The following ANGPT1 variants were observed in gnomAD, a reference collection of about 807,000 sequenced individuals.
ANGPT1 encodes the protein angiopoietin-1.
A neutral mutation model predicts 62.2 loss-of-function variants in ANGPT1; 17 were observed. The observed-to-expected ratio is 0.27, with a 90% CI of 0.19 to 0.41. ANGPT1 has a LOEUF of 0.41. Among genes scored for constraint, ANGPT1 ranks in the 10% least tolerant of loss-of-function variants. ANGPT1 has a pLI of 1.00. For synonymous variants in ANGPT1, 199 were observed against 198.9 expected (o/e 1.00, Z 0.00); for missense variants, 478 against 594.9 (o/e 0.80, Z 2.04).
chr8:107,385,733 C>T (rs868319816), intron 1 of ANGPT1, among the ~76,000 whole-genome samples: 1 of 151,946 alleles, frequency 6.6e-6, no homozygotes, highest in South Asian at 2.1e-4. Flanking sequence ...ATGCTTCCAG[C>T]TTTTGCCTGT....
chr8:107,286,726 A>G (rs1005169730), intron 6 of ANGPT1, among the ~76,000 whole-genome samples: 1 of 152,156 alleles, frequency 6.6e-6, no homozygotes, highest in Non-Finnish European at 1.5e-5. Context: ...CCCATAGCTC[A>G]CAGTAAAGCT....
chr8:107,404,072 A>G (rs1333570427), intron 1 of ANGPT1, among the ~76,000 whole-genome samples: 5 of 152,106 alleles, frequency 3.3e-5, no homozygotes, highest in Non-Finnish European at 5.9e-5. Flanking sequence ...AATGCCTTCC[A>G]CTCTTGCCAA....
chr8:107,280,000 A>G (rs1813963033), intron 7 of ANGPT1, among the ~76,000 whole-genome samples: 1 of 152,002 alleles, frequency 6.6e-6, no homozygotes, highest in East Asian at 1.9e-4. Context: ...AGCATGCAGA[A>G]CTCAGCAAAG....
At chr8:107,281,898 A>G (rs1326912655) in intron 7 of ANGPT1, among the ~76,000 whole-genome samples, 1 of 152,098 alleles carries the variant, frequency 6.6e-6, no homozygotes, top group Non-Finnish European at 1.5e-5. Flanking sequence ...ACTTGAAACA[A>G]TTGATCACAA....
intron 5 of ANGPT1, among the ~76,000 whole-genome samples, chr8:107,298,432 G>C (rs1323955598): frequency 6.6e-6 from 1 of 151,784 alleles, no homozygotes; most frequent in East Asian, 1.9e-4. Context: ...AAATGAAAGG[G>C]AAAGTCTTGT....
At chr8:107,322,707 G>GA (rs755949512) in intron 3 of ANGPT1, 2 of 318,700 alleles carry the variant, frequency 6.3e-6, no homozygotes, top group South Asian at 2.7e-5. Context: ...CATTAAGAAA[G>GA]AAAAAAATCT....
chr8:107,351,164 T>C lies in ANGPT1; in HGVS notation c.298-4067A>G, dbSNP rs115238922. ...ATTTGACTATACTGCCATGCCAGAG[T>C]TTTATAAGTTATTGACCAAAATGCT... is the stretch of plus-strand genomic sequence containing the variant. On this transcript the variant is annotated intron_variant, in intron 1 of 8. Transcript: ENST00000517746. Among the ~76,000 whole-genome samples, 581 of 152,056 alleles carry C rather than the reference T, an allele frequency of 3.8e-3. 6 individuals are homozygous for C. Among genetic ancestry groups the C allele is most frequent in the African/African-American group, 0.013 (559 of 41,498 alleles).
intron 1 of ANGPT1, among the ~76,000 whole-genome samples, chr8:107,375,037 A>G (rs892301404): frequency 1.3e-5 from 2 of 152,020 alleles, no homozygotes; most frequent in African/African-American, 4.8e-5. Context: ...GCACGCGCCT[A>G]CAGTCCCAGC....
intron 1 of ANGPT1, among the ~76,000 whole-genome samples, chr8:107,393,783 C>T (rs1816880945): frequency 6.6e-6 from 1 of 152,280 alleles, no homozygotes; most frequent in South Asian, 2.1e-4. Context: ...GCACTCCAGC[C>T]TGGGCGGCTG....
intron 1 of ANGPT1, among the ~76,000 whole-genome samples, chr8:107,445,636 G>A (rs1482021118): frequency 6.6e-6 from 1 of 151,920 alleles, no homozygotes. Context: ...AACTTTTATC[G>A]GGCATCTAGC....
At chr8:107,372,379 G>A (rs921470061) in intron 1 of ANGPT1, among the ~76,000 whole-genome samples, 3 of 152,220 alleles carry the variant, frequency 2.0e-5, no homozygotes, top group African/African-American at 2.4e-5. Context: ...AAAAAATGTC[G>A]GGAAATGTGG....
At chr8:107,393,875 AG>A (rs1249791294) in intron 1 of ANGPT1, among the ~76,000 whole-genome samples, 2 of 152,182 alleles carry the variant, frequency 1.3e-5, no homozygotes, top group Non-Finnish European at 2.9e-5. Flanking sequence ...CAATAGATGG[AG>A]CAACCGTCTT....
At chr8:107,391,571 G>A (rs572138021) in intron 1 of ANGPT1, among the ~76,000 whole-genome samples, 1 of 152,240 alleles carries the variant, frequency 6.6e-6, no homozygotes, top group African/African-American at 2.4e-5. Context: ...AGAGGCTGAG[G>A]CAGGAGAATC....
chr8:107,308,152 C>T, intron 4 of ANGPT1, among the ~76,000 whole-genome samples: 1 of 152,040 alleles, frequency 6.6e-6, no homozygotes. Context: ...GAGATACAGA[C>T]ATAAGAAAGC....
At chr8:107,454,365 C>T (rs1811860253) in intron 1 of ANGPT1, among the ~76,000 whole-genome samples, 1 of 152,022 alleles carries the variant, frequency 6.6e-6, no homozygotes, top group South Asian at 2.1e-4. Flanking sequence ...TTGGACAAGA[C>T]TGTCTATTCT....
intron 1 of ANGPT1, among the ~76,000 whole-genome samples, chr8:107,404,394 C>A (rs1817105756): frequency 6.6e-6 from 1 of 152,060 alleles, no homozygotes; most frequent in Admixed American, 6.6e-5. Flanking sequence ...AAGAGATAAC[C>A]ACTGTTAAAT....
At chr8:107,285,173 T>C (rs1814109890) in intron 6 of ANGPT1, among the ~76,000 whole-genome samples, 1 of 152,160 alleles carries the variant, frequency 6.6e-6, no homozygotes, top group African/African-American at 2.4e-5. Flanking sequence ...AAAATGTTTC[T>C]AAATTACTAG....
rs1813215583 is a variant in ANGPT1, at chr8:107,250,095, A to G, written c.*1760T>C. On this transcript the variant is annotated 3_prime_UTR_variant, in exon 9 of 9. Coordinates refer to ENST00000517746, the MANE Select transcript of ANGPT1 (RefSeq NM_001146.5). ...AATGTGAATAGCTTTATTTTCTCAA[A>G]TGGAGGAAACCATTAAGGCATAGTG... 1 of 152,496 alleles carries G rather than the reference A, an allele frequency of 6.6e-6. No homozygotes were observed. The allele number at this position is 152,496 out of a possible 1,614,324, so 9.4% of individuals were successfully genotyped here.
At chr8:107,389,603 T>C (rs940497655) in intron 1 of ANGPT1, among the ~76,000 whole-genome samples, 1 of 152,180 alleles carries the variant, frequency 6.6e-6, no homozygotes, top group Admixed American at 6.6e-5. Flanking sequence ...TTGATTTTCC[T>C]GAACATCTTT....
Sources: allele counts gnomAD v4.1 joint callset (sites outside exome capture counted in the v4.1 genomes callset), GRCh38; gene constraint gnomAD v4.1.1; transcripts MANE v1.5; gene names NCBI Gene and HGNC (gene_info 2026-07-23, HGNC 2026-07-21).